RCAN3: variants seen among roughly 807,000 people sequenced by gnomAD.
The protein encoded by RCAN3 is regulator of calcineurin 3, also known as calcipressin-3.
RCAN3 carries 19 observed loss-of-function variants against 21.9 expected under a neutral mutation model. That is an observed-to-expected ratio of 0.87 (90% CI 0.61 to 1.27). The LOEUF is 1.27. Among genes scored for constraint, RCAN3 ranks in the 50% most tolerant of loss-of-function variants. The pLI is 0.00. For synonymous variants in RCAN3, 114 were observed against 112.3 expected, an observed-to-expected ratio of 1.01 and a Z score of -0.09; for missense variants, 240 against 300.1, an observed-to-expected ratio of 0.80 and a Z score of 1.48.
Position 24,540,205 on chromosome 1 carries a change from A to G in RCAN3, c.*4928A>G, listed in dbSNP as rs2148918968. ...GCAACAACTGCTGGGTTCACTGACA[A>G]AGATTATAAAAATCATCACGTTCAA... On this transcript the variant is annotated 3_prime_UTR_variant, in exon 5 of 5. Coordinates refer to ENST00000374395, the MANE Select transcript of RCAN3 (RefSeq NM_013441.4). 6.6e-6 allele frequency: 1 copy of G among 152,454 alleles called. No homozygotes were observed. Among genetic ancestry groups the G allele is most frequent in the Middle Eastern group, 3.4e-3 (1 of 294 alleles). 9.4% of individuals were successfully genotyped at this position (152,454 alleles called of 1,614,324 possible).
At position 24,539,780 on chromosome 1, in the gene RCAN3, T is replaced by A. The variant is rs1187873634; in HGVS notation, c.*4503T>A. ...CTCTGTCTACCAGGTTTCTCCCCTTTCTGCAGAGCTGTGGACCCTGTACGT... is the reference window on the plus strand; with the variant it reads ...CTCTGTCTACCAGGTTTCTCCCCTTACTGCAGAGCTGTGGACCCTGTACGT... On this transcript the variant is annotated 3_prime_UTR_variant, in exon 5 of 5. Transcript: ENST00000374395. 6.6e-6 allele frequency: 1 copy of A among 152,252 alleles called. No homozygotes were observed. Among genetic ancestry groups the A allele is most frequent in the Non-Finnish European group, 1.5e-5 (1 of 68,050 alleles). The allele number at this position is 152,252 out of a possible 1,614,324, so 9.4% of individuals were successfully genotyped here.
chr1:24,514,471 AGAT>A lies in RCAN3; in HGVS notation c.103_105del (p.Asp35del). ...AAGAGATGATTTTTGGTGAAAATGAAGATGATTTGGATGAGATGATGGATTTAA... is the reference window on the plus strand; with the variant it reads ...AAGAGATGATTTTTGGTGAAAATGAAGATTTGGATGAGATGATGGATTTAA... On this transcript the variant is annotated inframe_deletion, in exon 2 of 5. Coordinates refer to ENST00000374395, the MANE Select transcript of RCAN3 (RefSeq NM_013441.4). 6.2e-7 allele frequency: 1 copy of A among 1,614,166 alleles called. No individual in the cohort carries two copies. Among genetic ancestry groups the A allele is most frequent in the Non-Finnish European group, 8.5e-7 (1 of 1,180,028 alleles).
chr1:24,526,293 T>A (rs932356631), intron 2 of RCAN3, among the ~76,000 whole-genome samples: 1 of 152,128 alleles, frequency 6.6e-6, no homozygotes, highest in African/African-American at 2.4e-5. Flanking sequence ...GGTCTTGCAG[T>A]GTTGTCCAGG....
At chr1:24,503,817 T>G (rs1647254367) in intron 1 of RCAN3, among the ~76,000 whole-genome samples, 1 of 152,252 alleles carries the variant, frequency 6.6e-6, no homozygotes, top group Non-Finnish European at 1.5e-5. Flanking sequence ...AAATATTCGC[T>G]TCCACTTGTT....
At chr1:24,512,912 A>G (rs115087819) in intron 1 of RCAN3, among the ~76,000 whole-genome samples, 27 of 152,274 alleles carry the variant, frequency 1.8e-4, no homozygotes, top group Non-Finnish European at 3.2e-4. Flanking sequence ...TCAGCTCCAG[A>G]CATTTGCCTT....
intron 2 of RCAN3, among the ~76,000 whole-genome samples, chr1:24,522,097 A>G (rs1049270658): frequency 7.9e-5 from 12 of 152,136 alleles, no homozygotes; most frequent in South Asian, 2.1e-4. Flanking sequence ...AATAATGCAA[A>G]AAGAGCCTAT....
At chr1:24,502,494 C>T (rs1647189506), upstream of RCAN3, 4 of 152,374 alleles carry the variant, frequency 2.6e-5, no homozygotes, top group South Asian at 8.3e-4. Context: ...GCGCAGTGTA[C>T]ATAGTAACCA....
chr1:24,536,175 T>A lies in RCAN3; in HGVS notation c.*898T>A, dbSNP rs145068311. The A allele has an allele frequency of 3.6e-4, 55 of 152,276 alleles. No homozygotes were observed. The highest frequency in any genetic ancestry group is 1.3e-3 in the African/African-American group (52 of 41,540). 9.4% of individuals were successfully genotyped at this position (152,276 alleles called of 1,614,324 possible). A position where few individuals can be genotyped will look rare whatever the true frequency, so the allele number is the denominator to read the frequency against. ...ATCTTGTTAACCACTAGTTCTTGAGTTTTTTGGCTATGATGTGTACGTTTA... is the reference window on the plus strand; with the variant it reads ...ATCTTGTTAACCACTAGTTCTTGAGATTTTTGGCTATGATGTGTACGTTTA... On this transcript the variant is annotated 3_prime_UTR_variant, in exon 5 of 5. Coordinates refer to ENST00000374395, the MANE Select transcript of RCAN3 (RefSeq NM_013441.4).
chr1:24,535,379 T>C lies in RCAN3; in HGVS notation c.*102T>C. 4 of 1,327,748 alleles carry C rather than the reference T, an allele frequency of 3.0e-6. No homozygotes were observed. The allele number at this position is 1,327,748 out of a possible 1,614,324, so 82.2% of individuals were successfully genotyped here. ...GCTGCGAACAGCATAGGTGAGACTC[T>C]GCCGAGTGAGGTATAGGTCTTCTCA... On this transcript the variant is annotated 3_prime_UTR_variant, in exon 5 of 5. Transcript: ENST00000374395.
At position 24,538,589 on chromosome 1, in the gene RCAN3, TTTA is replaced by T. The variant is rs1383089535; in HGVS notation, c.*3314_*3316del. On this transcript the variant is annotated 3_prime_UTR_variant, in exon 5 of 5. Coordinates refer to ENST00000374395, the MANE Select transcript of RCAN3 (RefSeq NM_013441.4). ...CCGGCTAATTTTTTTTTTTTTTTTT[TTTA>T]TAAGTAGAGACGGGGTTTCACCACG... The T allele has an allele frequency of 1.3e-5, 2 of 149,352 alleles. No individual in the cohort carries two copies. Among genetic ancestry groups the T allele is most frequent in the Non-Finnish European group, 3.0e-5 (2 of 67,210 alleles). 9.3% of individuals were successfully genotyped at this position (149,352 alleles called of 1,614,324 possible).
chr1:24,530,268 T>C (rs1649642059), intron 2 of RCAN3, among the ~76,000 whole-genome samples: 1 of 148,186 alleles, frequency 6.7e-6, no homozygotes, highest in South Asian at 2.1e-4. Flanking sequence ...GGCAGGAGGA[T>C]TGCCTGAACC....
chr1:24,504,289 C>A (rs112666821), intron 1 of RCAN3, among the ~76,000 whole-genome samples: 4,421 of 152,242 alleles, frequency 0.029, 97 homozygotes, highest in Non-Finnish European at 0.044. Context: ...CAGGATCAAG[C>A]GATCCTCCCA....
intron 2 of RCAN3, among the ~76,000 whole-genome samples, chr1:24,520,575 C>T (rs1408865230): frequency 2.0e-5 from 3 of 150,920 alleles, no homozygotes; most frequent in Non-Finnish European, 4.4e-5. Flanking sequence ...AGCAAACTAT[C>T]GCAAGGACAA....
chr1:24,533,354 G>T (rs995730945), intron 4 of RCAN3, 100 bp downstream of exon 4: 1 of 989,808 alleles, frequency 1.0e-6, no homozygotes. Flanking sequence ...TAGAGCAGAG[G>T]ATAAAGTCAA....
chr1:24,535,838 G>A lies in RCAN3; in HGVS notation c.*561G>A, dbSNP rs149949714. 5 of 152,306 alleles carry A rather than the reference G, an allele frequency of 3.3e-5. No individual in the cohort carries two copies. Among genetic ancestry groups the A allele is most frequent in the African/African-American group, 7.2e-5 (3 of 41,556 alleles). The allele number at this position is 152,306 out of a possible 1,614,324, so 9.4% of individuals were successfully genotyped here. A position where few individuals can be genotyped will look rare whatever the true frequency, so the allele number is the denominator to read the frequency against. On this transcript the variant is annotated 3_prime_UTR_variant, in exon 5 of 5. Coordinates refer to ENST00000374395, the MANE Select transcript of RCAN3 (RefSeq NM_013441.4). ...TAGAAATCATGGTTCTCAAGTATTT[G>A]TTCAATTAGCTTTGGGGAAGAAATG...
At chr1:24,514,859 C>T (rs1417068346) in intron 2 of RCAN3, among the ~76,000 whole-genome samples, 1 of 151,824 alleles carries the variant, frequency 6.6e-6, no homozygotes, top group African/African-American at 2.4e-5. Context: ...ATCCCAGCTA[C>T]TCGCAGGGCT....
intron 2 of RCAN3, among the ~76,000 whole-genome samples, chr1:24,523,972 T>A (rs985563571): frequency 5.3e-5 from 8 of 152,182 alleles, no homozygotes; most frequent in African/African-American, 1.9e-4. Flanking sequence ...AGGCCTGTAA[T>A]CCCAGCACTT....
intron 2 of RCAN3, among the ~76,000 whole-genome samples, chr1:24,526,856 C>A (rs1649313389): frequency 6.6e-6 from 1 of 152,098 alleles, no homozygotes; most frequent in Admixed American, 6.5e-5. Flanking sequence ...AATTCTAATT[C>A]TCTTTAAAAG....
intron 2 of RCAN3, among the ~76,000 whole-genome samples, chr1:24,521,238 G>A (rs1648779839): frequency 6.6e-6 from 1 of 152,106 alleles, no homozygotes; most frequent in Non-Finnish European, 1.5e-5. Flanking sequence ...AAAAGGTGCT[G>A]GGAAAACTGA....
Sources: allele counts gnomAD v4.1 joint callset (sites outside exome capture counted in the v4.1 genomes callset), GRCh38; gene constraint gnomAD v4.1.1; transcripts MANE v1.5; gene names NCBI Gene and HGNC (gene_info 2026-07-23, HGNC 2026-07-21).